Variants in PDIA6 observed in about 807,000 individuals in gnomAD.
The protein encoded by PDIA6 is protein disulfide isomerase family A member 6.
Under a neutral mutation model 58.4 loss-of-function variants are expected in PDIA6, and 29 were observed. That is an observed-to-expected ratio of 0.50 (90% CI 0.37 to 0.68). The LOEUF is 0.68. Ranked by LOEUF, PDIA6 falls within the 30% of genes least tolerant of loss-of-function variation. The pLI is 0.00. For missense variants in PDIA6, 480 were observed against 551.0 expected (o/e 0.87, Z 1.29); for synonymous variants, 192 against 202.6 (o/e 0.95, Z 0.44).
chr2:10,788,918 G>C lies in PDIA6; in HGVS notation c.904C>G (p.Leu302Val), dbSNP rs1478684453. 6.2e-7 allele frequency: 1 copy of C among 1,613,720 alleles called. No homozygotes were observed. Among genetic ancestry groups the C allele is most frequent in the Middle Eastern group, 1.6e-4 (1 of 6,062 alleles). ...EEHQLCVVAV[L>V]PHILDTGAAG... Reference sequence around the variant, plus strand: ...TTACCAGTATCAAGGATATGGGGCAGCACAGCCACAACACAGAGCTGGTGC... The same window carrying C: ...TTACCAGTATCAAGGATATGGGGCACCACAGCCACAACACAGAGCTGGTGC... Residue 302 changes from leucine to valine, a missense_variant, in exon 9 of 13, where the codon CTG becomes GTG. Physicochemically the swap from Leu to Val is conservative, Grantham distance 32. Transcript: ENST00000272227.
chr2:10,797,675 C>A (rs1028227371), intron 3 of PDIA6, 25 bp downstream of exon 3: 1 of 1,591,296 alleles, frequency 6.3e-7, no homozygotes, highest in Non-Finnish European at 8.6e-7. Flanking sequence ...GTTTTGTAAG[C>A]CTTTTGCATT....
At chr2:10,815,387 CT>C (rs1426846306), upstream of PDIA6, 1 of 152,142 alleles carries the variant, frequency 6.6e-6, no homozygotes, top group African/African-American at 2.4e-5. Flanking sequence ...AGAGAAGCCC[CT>C]GGTACAGTGG....
chr2:10,788,679 G>T lies in PDIA6; in HGVS notation c.998+18C>A. 6.4e-7 allele frequency: 1 copy of T among 1,558,486 alleles called. No homozygotes were observed. The highest frequency in any genetic ancestry group is 2.2e-5 in the East Asian group (1 of 44,606). ...CAGCTGTTCAGATGACACTCAGACA[G>T]TAAGCTCAGTAACTTACCCCCACAT... On this transcript the variant is annotated intron_variant, in intron 10 of 12. Transcript: ENST00000272227.
intron 1 of PDIA6, among the ~76,000 whole-genome samples, chr2:10,829,234 C>T (rs1667638491): frequency 6.6e-6 from 1 of 152,184 alleles, no homozygotes; most frequent in Non-Finnish European, 1.5e-5. Flanking sequence ...GTCCTCTCTC[C>T]CAGGGTCTCT....
chr2:10,826,733 A>T (rs1667566494), intron 1 of PDIA6, among the ~76,000 whole-genome samples: 1 of 152,134 alleles, frequency 6.6e-6, no homozygotes. Context: ...AACAGACAGA[A>T]CCTTTCCCAG....
In PDIA6 at chr2:10,793,132, G is replaced by A. The variant is rs776995453; in HGVS notation, c.417C>T (p.Leu139=). ...SALRQLVKDR[L]GGRSGGYSSG... is the part of the protein sequence containing the mutation. Reference sequence around the variant, plus strand: ...AACTGTATCCTCCGCTCCGTCCCCCGAGGCGATCCTTCACGAGCTGGCGCA... The same window carrying A: ...AACTGTATCCTCCGCTCCGTCCCCCAAGGCGATCCTTCACGAGCTGGCGCA... The change falls in exon 5 of 13, where the codon CTC becomes CTT. Residue 139 remains leucine (L), a synonymous_variant. Coordinates refer to ENST00000272227, the MANE Select transcript of PDIA6 (RefSeq NM_005742.4). The A allele has an allele frequency of 1.2e-5, 19 of 1,613,780 alleles. No homozygotes were observed. In the East Asian group the frequency reaches 1.3e-4, roughly 11 times the overall value.
At chr2:10,834,458 G>A (rs963136148), upstream of PDIA6, among the ~76,000 whole-genome samples, 4 of 150,494 alleles carry the variant, frequency 2.7e-5, no homozygotes, top group African/African-American at 9.8e-5. Context: ...CTGTGGCACT[G>A]CCCCTCACCC....
Position 10,784,291 on chromosome 2 carries a change from C to A in PDIA6, c.1290G>T (p.Val430=). 6.2e-7 allele frequency: 1 copy of A among 1,613,470 alleles called. No homozygotes were observed. Among genetic ancestry groups the A allele is most frequent in the South Asian group, 1.1e-5 (1 of 90,958 alleles). Residue 430 remains valine (V), a synonymous_variant, in exon 13 of 13, where the codon GTG becomes GTT. Transcript: ENST00000272227. Reference sequence around the variant, plus strand: ...CATCTTTCCCTAAGTCATCAAGCTCCACATCACTGAGGTCAATGTCATCCT... The same window carrying A: ...CATCTTTCCCTAAGTCATCAAGCTCAACATCACTGAGGTCAATGTCATCCT... ...PVEDDIDLSD[V]ELDDLGKDEL
At chr2:10,808,665 C>A (rs888200263) in intron 1 of PDIA6, among the ~76,000 whole-genome samples, 3 of 152,050 alleles carry the variant, frequency 2.0e-5, no homozygotes, top group African/African-American at 7.2e-5. Context: ...GGAAAGGATG[C>A]CTGTGAATGG....
At chr2:10,817,218 A>T (rs574222506), upstream of PDIA6, among the ~76,000 whole-genome samples, 9 of 152,354 alleles carry the variant, frequency 5.9e-5, no homozygotes, top group South Asian at 1.9e-3. Flanking sequence ...TTTAGTTAAA[A>T]GAGTAAGTGG....
At chr2:10,823,536 C>A (rs573379837) in intron 1 of PDIA6, 1 of 152,234 alleles carries the variant, frequency 6.6e-6, no homozygotes, top group Non-Finnish European at 1.5e-5. Context: ...ATTGGGTTCT[C>A]TTTCCATCAC....
At position 10,794,183 on chromosome 2, in the gene PDIA6, C is replaced by T. The variant is rs1168656329; in HGVS notation, c.347-981G>A. Reference sequence around the variant, plus strand: ...TTTTCTGGCCAGCTGTGGTGGCTCACGCCTGGGATCTCAGCACTTTGGGAG... The same window carrying T: ...TTTTCTGGCCAGCTGTGGTGGCTCATGCCTGGGATCTCAGCACTTTGGGAG... On this transcript the variant is annotated intron_variant, in intron 4 of 12. Transcript: ENST00000272227. Among the ~76,000 whole-genome samples, 5 of 152,206 alleles carry T rather than the reference C, an allele frequency of 3.3e-5. No individual in the cohort carries two copies. The East Asian group carries it at 7.7e-4, about 24-fold the overall frequency.
chr2:10,830,120 G>A (rs752479267), intron 1 of PDIA6, among the ~76,000 whole-genome samples: 39 of 152,154 alleles, frequency 2.6e-4, no homozygotes, highest in African/African-American at 8.4e-4. Context: ...TAGAGGGGCC[G>A]CTCCTGCTCC....
chr2:10,821,877 G>A (rs762425320), intron 1 of PDIA6, among the ~76,000 whole-genome samples: 1 of 152,084 alleles, frequency 6.6e-6, no homozygotes, highest in African/African-American at 2.4e-5. Context: ...TCCCGCCTCA[G>A]CCTCTCAAAG....
intron 1 of PDIA6, among the ~76,000 whole-genome samples, chr2:10,827,694 C>T (rs1215634165): frequency 6.6e-6 from 1 of 151,818 alleles, no homozygotes; most frequent in Non-Finnish European, 1.5e-5. Flanking sequence ...TATGGAGGCA[C>T]ACACCTGTAA....
intron 2 of PDIA6, among the ~76,000 whole-genome samples, chr2:10,799,115 A>C (rs17365216): frequency 2.6e-5 from 4 of 152,120 alleles, no homozygotes; most frequent in African/African-American, 9.7e-5. Flanking sequence ...TGGGAAATAC[A>C]ACACAGAAAA....
At chr2:10,790,063 C>G (rs955435097) in intron 7 of PDIA6, among the ~76,000 whole-genome samples, 174 bp from the exon 8 acceptor site, 9 of 151,618 alleles carry the variant, frequency 5.9e-5, no homozygotes, top group African/African-American at 2.2e-4. Context: ...ACTGCAACCT[C>G]TGCCTCCTGG....
At chr2:10,811,242 T>C (rs1235767160) in intron 1 of PDIA6, among the ~76,000 whole-genome samples, 2 of 152,170 alleles carry the variant, frequency 1.3e-5, no homozygotes, top group Non-Finnish European at 2.9e-5. Context: ...CTTTAAAACA[T>C]GTACTAGCTG....
At chr2:10,826,015 T>C (rs965176472) in intron 1 of PDIA6, among the ~76,000 whole-genome samples, 1 of 152,272 alleles carries the variant, frequency 6.6e-6, no homozygotes, top group African/African-American at 2.4e-5. Context: ...ACAAAACACA[T>C]ACAGGTATGT....
Sources: allele counts gnomAD v4.1 joint callset (sites outside exome capture counted in the v4.1 genomes callset), GRCh38; gene constraint gnomAD v4.1.1; transcripts MANE v1.5; gene names NCBI Gene and HGNC (gene_info 2026-07-23, HGNC 2026-07-21).